The following ZGRF1 variants were observed in gnomAD, a reference collection of about 807,000 sequenced individuals.
ZGRF1 encodes 5'-3' DNA helicase ZGRF1.
ZGRF1 carries 196 observed loss-of-function variants against 203.5 expected under a neutral mutation model. That is an observed-to-expected ratio of 0.96 (90% CI 0.86 to 1.08). ZGRF1 has a LOEUF of 1.08. ZGRF1 is among the 50% of genes least tolerant of loss of function. The pLI, the probability that ZGRF1 is intolerant of heterozygous loss-of-function variation, is 0.00. For synonymous variants in ZGRF1, 809 were observed against 841.3 expected (o/e 0.96, Z 0.66); for missense variants, 2,326 against 2,416.3 (o/e 0.96, Z 0.78).
intron 10 of ZGRF1, among the ~76,000 whole-genome samples, chr4:112,595,836 TG>T (rs1431523303): frequency 6.6e-6 from 1 of 152,226 alleles, no homozygotes; most frequent in Non-Finnish European, 1.5e-5. Flanking sequence ...CATTGTGTAA[TG>T]TCTAAATGAC....
At chr4:112,628,711 A>G in intron 3 of ZGRF1, 1 of 455,396 alleles carries the variant, frequency 2.2e-6, no homozygotes, top group South Asian at 1.6e-5. Context: ...CACTCAACAA[A>G]TGTATGCTAT....
intron 16 of ZGRF1, among the ~76,000 whole-genome samples, chr4:112,574,698 AATG>A (rs1162098846): frequency 6.6e-6 from 1 of 152,186 alleles, no homozygotes; most frequent in African/African-American, 2.4e-5. Flanking sequence ...AATCTCAAAT[AATG>A]ATTAATCCAA....
intron 10 of ZGRF1, among the ~76,000 whole-genome samples, chr4:112,597,959 G>A (rs111250555): frequency 0.014 from 2,023 of 148,394 alleles, 33 homozygotes; most frequent in Middle Eastern, 0.029. Flanking sequence ...TCTACACTAA[G>A]TCAAACTATC....
chr4:112,552,507 T>A (rs1192793772), intron 22 of ZGRF1, among the ~76,000 whole-genome samples: 1 of 151,966 alleles, frequency 6.6e-6, no homozygotes, highest in Admixed American at 6.6e-5. Flanking sequence ...ATATCATTGT[T>A]ACGTTGGGTG....
chr4:112,581,337 G>C (rs1277251372), intron 16 of ZGRF1, among the ~76,000 whole-genome samples: 2 of 150,424 alleles, frequency 1.3e-5, no homozygotes, highest in Non-Finnish European at 3.0e-5. Flanking sequence ...TAAATGATGA[G>C]TTAATGGGTG....
At chr4:112,578,261 C>T (rs1578338902) in intron 16 of ZGRF1, among the ~76,000 whole-genome samples, 1 of 122,692 alleles carries the variant, frequency 8.2e-6, no homozygotes, top group Admixed American at 9.3e-5. Context: ...CTCTGGGACA[C>T]ATTCAAAGCA....
At chr4:112,634,392 G>C (rs1284298215) in intron 1 of ZGRF1, among the ~76,000 whole-genome samples, 1 of 152,190 alleles carries the variant, frequency 6.6e-6, no homozygotes, top group African/African-American at 2.4e-5. Flanking sequence ...TTGCAGGCCT[G>C]TGATCCCAGC....
At chr4:112,627,162 A>G (rs1441492780) in intron 3 of ZGRF1, among the ~76,000 whole-genome samples, 2 of 152,184 alleles carry the variant, frequency 1.3e-5, no homozygotes, top group African/African-American at 4.8e-5. Flanking sequence ...GTTCCCATTC[A>G]CTTATTTTTC....
Position 112,619,053 on chromosome 4 carries a change from T to TACA in ZGRF1, c.986_988dup (p.Met329_Tyr330insLeu). ...TATAGGTGAACTCTGTGAGGATAAA[T>TACA]ACATGGCCCACCGGCTTTTATTTCT... On this transcript the variant is annotated inframe_insertion, in exon 6 of 28. Coordinates refer to ENST00000505019, the MANE Select transcript of ZGRF1 (RefSeq NM_018392.5). 1 of 1,614,058 alleles carries TACA rather than the reference T, an allele frequency of 6.2e-7. No individual in the cohort carries two copies.
Position 112,603,542 on chromosome 4 carries a change from C to T in ZGRF1, c.2958G>A (p.Met986Ile), listed in dbSNP as rs754311116. 9.9e-6 allele frequency: 16 copies of T among 1,611,200 alleles called. No individual in the cohort carries two copies. Among genetic ancestry groups the T allele is most frequent in the Non-Finnish European group, 1.1e-5 (13 of 1,178,650 alleles). ...TETPELPSTC[M>I]QIDFLQVTSP... ...TTTTTACCTGCAAGAAGTCAATCTG[C>T]ATACACGTGCTAGGTAACTCTGGTG... Residue 986 changes from methionine to isoleucine, a missense_variant, in exon 10 of 28, where the codon ATG becomes ATA. By Grantham distance (10) the Met-to-Ile change is conservative. Transcript: ENST00000505019.
chr4:112,597,509 G>A (rs1177739261), intron 10 of ZGRF1, among the ~76,000 whole-genome samples: 3 of 152,006 alleles, frequency 2.0e-5, no homozygotes, highest in Non-Finnish European at 4.4e-5. Flanking sequence ...AAGGAAGAGA[G>A]TGAGACCTTG....
chr4:112,618,934 T>C lies in ZGRF1; in HGVS notation c.1108A>G (p.Lys370Glu). 1 of 1,613,958 alleles carries C rather than the reference T, an allele frequency of 6.2e-7. No individual in the cohort carries two copies. The highest frequency in any genetic ancestry group is 8.5e-7 in the Non-Finnish European group (1 of 1,179,934). The part of the protein sequence containing the change: ...NSNLKDLSLQ[K>E]IIQFVETYAE... ...TACGTTTCAACGAACTGTATAATTT[T>C]TTGTAATGAAAGGTCTTTCAAATTA... Residue 370 changes from lysine to glutamate, a missense_variant, in exon 6 of 28, where the codon AAA (lysine) becomes GAA (glutamate). Lys to Glu is a moderately conservative substitution (Grantham distance 56). Transcript: ENST00000505019.
At position 112,539,441 on chromosome 4, in the gene ZGRF1, TATC is replaced by T. The variant is rs1292349955; in HGVS notation, c.*103_*105del. 6 of 604,942 alleles carry T rather than the reference TATC, an allele frequency of 9.9e-6. No individual in the cohort carries two copies. Among genetic ancestry groups the T allele is most frequent in the South Asian group, 1.1e-4 (2 of 18,910 alleles). The allele number at this position is 604,942 out of a possible 1,614,324, so 37.5% of individuals were successfully genotyped here. A position where few individuals can be genotyped will look rare whatever the true frequency, so the allele number is the denominator to read the frequency against. ...ACATGTGTTTACTATGTTATTTAAA[TATC>T]ATATTTTTAATAAGAGGGTTTAGAG... On this transcript the variant is annotated 3_prime_UTR_variant, in exon 28 of 28. Transcript: ENST00000505019.
chr4:112,552,876 A>C (rs926300802), intron 22 of ZGRF1, among the ~76,000 whole-genome samples: 1 of 152,166 alleles, frequency 6.6e-6, no homozygotes, highest in Non-Finnish European at 1.5e-5. Flanking sequence ...CATAATATGA[A>C]CTGAAGCTTT....
chr4:112,547,118 A>G (rs1002239509), intron 24 of ZGRF1, among the ~76,000 whole-genome samples, 167 bp downstream of exon 24: 1 of 152,198 alleles, frequency 6.6e-6, no homozygotes, highest in African/African-American at 2.4e-5. Flanking sequence ...CTTAAATTAT[A>G]GGGTTCCACT....
At position 112,589,849 on chromosome 4, in the gene ZGRF1, G is replaced by A; in HGVS notation, c.3002C>T (p.Ser1001Phe). Reference sequence around the variant, plus strand: ...AAAGGTAGAAACAGGGCTCAATGTAGAGATGTTTTCTTCTGGTGATGTCAC... The same window carrying A: ...AAAGGTAGAAACAGGGCTCAATGTAAAGATGTTTTCTTCTGGTGATGTCAC... ...LQVTSPEENI[S>F]TLSPVSTFSL... The change falls in exon 11 of 28, where the codon TCT (serine) becomes TTT (phenylalanine). Residue 1001 changes from serine to phenylalanine, a missense_variant. Ser to Phe is a radical substitution (Grantham distance 155, BLOSUM62 -2). Coordinates refer to ENST00000505019, the MANE Select transcript of ZGRF1 (RefSeq NM_018392.5). 1 of 1,606,636 alleles carries A rather than the reference G, an allele frequency of 6.2e-7. No homozygotes were observed. The highest frequency in any genetic ancestry group is 8.5e-7 in the Non-Finnish European group (1 of 1,177,428).
chr4:112,554,898 T>A, intron 20 of ZGRF1, 116 bp from the exon 21 acceptor site: 1 of 520,152 alleles, frequency 1.9e-6, no homozygotes, highest in Non-Finnish European at 3.3e-6. Flanking sequence ...ATTATAAAAT[T>A]TAATGTGAAA....
At chr4:112,555,347 A>C (rs565907413) in intron 20 of ZGRF1, among the ~76,000 whole-genome samples, 1 of 152,308 alleles carries the variant, frequency 6.6e-6, no homozygotes, top group South Asian at 2.1e-4. Context: ...TATATCTTAC[A>C]GCTCTAGCAC....
intron 10 of ZGRF1, among the ~76,000 whole-genome samples, chr4:112,596,999 A>C (rs1749132501): frequency 6.6e-6 from 1 of 152,028 alleles, no homozygotes; most frequent in South Asian, 2.1e-4. Flanking sequence ...GGATCACTTA[A>C]GGTCAGAAGT....
Sources: gnomAD v4.1 joint callset for allele counts (sites outside exome capture counted in the v4.1 genomes callset) on GRCh38, gnomAD v4.1.1 for gene constraint, MANE v1.5 for transcripts, NCBI Gene and HGNC (gene_info 2026-07-23, HGNC 2026-07-21) for gene names.